The following ADGRB3 variants were observed in gnomAD, a reference collection of about 807,000 sequenced individuals.
ADGRB3 encodes adhesion G protein-coupled receptor B3, also known as brain-specific angiogenesis inhibitor 3.
A neutral mutation model predicts 193.4 loss-of-function variants in ADGRB3; 37 were observed. The ratio of observed to expected loss-of-function variants is 0.19; its 90% confidence interval spans 0.15 to 0.25. The LOEUF (loss-of-function observed/expected upper bound fraction) is 0.25. Ranked by LOEUF, ADGRB3 falls within the 10% of genes least tolerant of loss-of-function variation. The pLI is 1.00. For missense variants in ADGRB3, 1,637 were observed against 1,852.9 expected (o/e 0.88, Z 2.14); for synonymous variants, 690 against 644.2 (o/e 1.07, Z -1.08).
At chr6:68,708,467 C>T (rs762512711) in intron 3 of ADGRB3, among the ~76,000 whole-genome samples, 1 of 152,078 alleles carries the variant, frequency 6.6e-6, no homozygotes, top group African/African-American at 2.4e-5. Context: ...TCCCTGTCCT[C>T]GAGTAATCCT....
chr6:69,255,901 G>A (rs62408260), intron 20 of ADGRB3, among the ~76,000 whole-genome samples: 6,655 of 151,804 alleles, frequency 0.044, 178 homozygotes, highest in African/African-American at 0.075. Flanking sequence ...GAAGGGATCC[G>A]GTTTCAGCTT....
At chr6:68,970,312 T>C (rs1342736602) in intron 8 of ADGRB3, among the ~76,000 whole-genome samples, 1 of 151,466 alleles carries the variant, frequency 6.6e-6, no homozygotes, top group Non-Finnish European at 1.5e-5. Flanking sequence ...TTAAATGGAA[T>C]CTTGATCTGT....
intron 29 of ADGRB3, among the ~76,000 whole-genome samples, chr6:69,363,365 C>A (rs1178181509): frequency 6.6e-6 from 1 of 151,872 alleles, no homozygotes. Flanking sequence ...TATGAGATAG[C>A]AGAAAGAGAA....
chr6:69,177,301 GT>G (rs1775453756), intron 17 of ADGRB3, among the ~76,000 whole-genome samples: 2 of 151,700 alleles, frequency 1.3e-5, no homozygotes, highest in Non-Finnish European at 2.9e-5. Context: ...TGCTTTTGCT[GT>G]ATCCCAGATA....
intron 3 of ADGRB3, among the ~76,000 whole-genome samples, chr6:68,700,406 A>G (rs1765223583): frequency 6.6e-6 from 1 of 152,122 alleles, no homozygotes. Flanking sequence ...TAAAAAGGAA[A>G]TCTATAAACG....
intron 3 of ADGRB3, among the ~76,000 whole-genome samples, chr6:68,760,115 T>C (rs1051596087): frequency 1.3e-5 from 2 of 152,238 alleles, no homozygotes; most frequent in African/African-American, 2.4e-5. Flanking sequence ...TCAGTACTTC[T>C]GATCATTGTA....
At chr6:69,355,756 T>G (rs762960662) in intron 27 of ADGRB3, 65 bp from the exon 28 acceptor site, 74 of 1,281,072 alleles carry the variant, frequency 5.8e-5, no homozygotes, top group Non-Finnish European at 7.8e-5. Context: ...GATAATCTGA[T>G]TAGTAAAAGA....
At chr6:68,797,393 A>T (rs960327026) in intron 3 of ADGRB3, among the ~76,000 whole-genome samples, 2 of 151,904 alleles carry the variant, frequency 1.3e-5, no homozygotes, top group African/African-American at 4.8e-5. Context: ...AGACAGGATA[A>T]GGCATTTGAA....
chr6:68,663,495 C>A (rs928980735), intron 3 of ADGRB3, among the ~76,000 whole-genome samples: 3 of 151,552 alleles, frequency 2.0e-5, no homozygotes, highest in Non-Finnish European at 3.0e-5. Context: ...CAATTTTGTA[C>A]CTTTTTAAAT....
chr6:68,744,049 T>G (rs1766033878), intron 3 of ADGRB3, among the ~76,000 whole-genome samples: 4 of 152,084 alleles, frequency 2.6e-5, no homozygotes, highest in Non-Finnish European at 4.4e-5. Context: ...GACAGGTTGT[T>G]TTCATGGGTA....
intron 3 of ADGRB3, among the ~76,000 whole-genome samples, chr6:68,844,099 A>G (rs1768223933): frequency 6.6e-6 from 1 of 152,186 alleles, no homozygotes; most frequent in Non-Finnish European, 1.5e-5. Flanking sequence ...ACCCTCTGGG[A>G]CATTGGTCTG....
At chr6:68,874,848 A>G (rs75175046) in intron 3 of ADGRB3, among the ~76,000 whole-genome samples, 2 of 152,190 alleles carry the variant, frequency 1.3e-5, no homozygotes, top group Non-Finnish European at 2.9e-5. Flanking sequence ...TTTTAAAATC[A>G]TGATTCACAG....
intron 20 of ADGRB3, among the ~76,000 whole-genome samples, chr6:69,278,436 C>T (rs1379870631): frequency 1.3e-5 from 2 of 152,184 alleles, no homozygotes; most frequent in Admixed American, 6.5e-5. Context: ...TTCAATATGA[C>T]AATTGAGATA....
At chr6:68,918,409 G>A (rs1198587978) in intron 3 of ADGRB3, among the ~76,000 whole-genome samples, 2 of 152,076 alleles carry the variant, frequency 1.3e-5, no homozygotes, top group Non-Finnish European at 2.9e-5. Flanking sequence ...TTCTCATATT[G>A]TTCTGAAAAT....
intron 11 of ADGRB3, among the ~76,000 whole-genome samples, chr6:69,001,618 T>C (rs1202105775): frequency 1.5e-4 from 23 of 152,052 alleles, no homozygotes; most frequent in Admixed American, 1.5e-3. Context: ...AGAAACATCT[T>C]CATGGAAGGA....
At chr6:68,785,048 C>T (rs1030329307) in intron 3 of ADGRB3, among the ~76,000 whole-genome samples, 1 of 152,050 alleles carries the variant, frequency 6.6e-6, no homozygotes, top group Non-Finnish European at 1.5e-5. Flanking sequence ...GAAAGAACCC[C>T]TGAATCTCCT....
rs146714441 is a variant in ADGRB3, at chr6:68,651,273, C to T, written c.757+11841C>T. 4.4e-4 allele frequency among the ~76,000 whole-genome samples: 67 copies of T among 152,246 alleles called. No homozygotes were observed. In the East Asian group the frequency reaches 9.5e-3, roughly 21 times the overall value. Reference sequence around the variant, plus strand: ...CAATTGCAATGGCCATTTTATTTTTCAACAGGCTTTGCTTTCAAATGTGAT... The same window carrying T: ...CAATTGCAATGGCCATTTTATTTTTTAACAGGCTTTGCTTTCAAATGTGAT... On this transcript the variant is annotated intron_variant, in intron 3 of 31. Transcript: ENST00000370598.
chr6:69,321,182 C>G (rs1479760825), intron 20 of ADGRB3, among the ~76,000 whole-genome samples: 2 of 151,716 alleles, frequency 1.3e-5, no homozygotes, highest in Non-Finnish European at 3.0e-5. Flanking sequence ...TTTAAGCAAT[C>G]TCTTCTATTG....
At chr6:68,749,966 C>T (rs1201006399) in intron 3 of ADGRB3, among the ~76,000 whole-genome samples, 3 of 151,950 alleles carry the variant, frequency 2.0e-5, no homozygotes, top group African/African-American at 4.8e-5. Flanking sequence ...TAATAGGTAA[C>T]CCACGTGTAA....
Sources: allele counts gnomAD v4.1 joint callset (sites outside exome capture counted in the v4.1 genomes callset), GRCh38; gene constraint gnomAD v4.1.1; transcripts MANE v1.5; gene names NCBI Gene and HGNC (gene_info 2026-07-23, HGNC 2026-07-21).